PACS2: variants seen among roughly 807,000 people sequenced by gnomAD.
The protein encoded by PACS2 is PACS1-like protein.
In PACS2, 36 loss-of-function variants were observed where a neutral mutation model predicts 113.0. The ratio of observed to expected loss-of-function variants is 0.32; its 90% CI spans 0.24 to 0.42. The LOEUF is 0.42. Among genes scored for constraint, PACS2 ranks in the 10% least tolerant of loss-of-function variants. The pLI is 1.00. For synonymous variants in PACS2, 589 were observed against 536.1 expected (o/e 1.10, Z -1.36); for missense variants, 1,015 against 1,239.5 (o/e 0.82, Z 2.72).
In PACS2 at chr14:105,379,811, C is replaced by T. The variant is rs1555411454; in HGVS notation, c.1032C>T (p.His344=). 1.2e-6 allele frequency: 2 copies of T among 1,613,614 alleles called. No homozygotes were observed. The highest frequency in any genetic ancestry group is 1.7e-6 in the Non-Finnish European group (2 of 1,179,976). The change falls in exon 10 of 25, where the codon CAC becomes CAT. Residue 344 remains histidine (H), a synonymous_variant. Transcript: ENST00000447393. ...GGAGCATCCACAGCGCCCGCAGCCA[C>T]AAGGAGCCCCCAAGCCCGGTGAGTG... ...EIGSIHSARS[H]KEPPSPADVP... is the part of the protein sequence containing the mutation.
At chr14:105,342,039 A>G (rs1446285850) in intron 1 of PACS2, among the ~76,000 whole-genome samples, 2 of 152,226 alleles carry the variant, frequency 1.3e-5, no homozygotes, top group Non-Finnish European at 2.9e-5. Flanking sequence ...AAACGAATGT[A>G]AGGAACGTGA....
At chr14:105,378,844 G>T (rs2080877534) in intron 9 of PACS2, among the ~76,000 whole-genome samples, 1 of 152,234 alleles carries the variant, frequency 6.6e-6, no homozygotes, top group Non-Finnish European at 1.5e-5. Context: ...CGGCCAGATG[G>T]TCTGCAAGGG....
intron 2 of PACS2, 140 bp from the exon 3 acceptor site, chr14:105,352,238 T>A: frequency 1.5e-6 from 1 of 652,284 alleles, no homozygotes; most frequent in Non-Finnish European, 2.8e-6. Flanking sequence ...CTCTGAGAAT[T>A]ACCCCAGCCT....
chr14:105,379,571 G>C (rs587668924), intron 9 of PACS2, among the ~76,000 whole-genome samples, 168 bp from the exon 10 acceptor site: 2 of 152,342 alleles, frequency 1.3e-5, no homozygotes, highest in South Asian at 4.1e-4. Flanking sequence ...CTGTGCTGCA[G>C]CTGGTGCGAG....
chr14:105,383,094 G>A, intron 15 of PACS2, 181 bp downstream of exon 15: 1 of 623,438 alleles, frequency 1.6e-6, no homozygotes, highest in South Asian at 1.9e-5. Context: ...GGCGGGAGCA[G>A]CAGCCTGGTG....
rs1555405221 is a variant in PACS2 at position 105,355,740 on chromosome 14, C to T, written c.423+563C>T. Among the ~76,000 whole-genome samples, 1 of 152,216 alleles carries T rather than the reference C, an allele frequency of 6.6e-6. No individual in the cohort carries two copies. Among genetic ancestry groups the T allele is most frequent in the Non-Finnish European group, 1.5e-5 (1 of 68,032 alleles). On this transcript the variant is annotated intron_variant, in intron 4 of 24. Transcript: ENST00000447393. This position sits in a 1 kb window ranked among gnomAD's most constrained non-coding sequence, Gnocchi z 4.1. Reference sequence around the variant, plus strand: ...CTCAAAAGGAAAAGAAACAGCCAAGCAGCAGCCCACCTTGCTCCAGAGAAC... The same window carrying T: ...CTCAAAAGGAAAAGAAACAGCCAAGTAGCAGCCCACCTTGCTCCAGAGAAC...
intron 9 of PACS2, among the ~76,000 whole-genome samples, chr14:105,379,487 G>A (rs1195677780): frequency 6.6e-5 from 10 of 152,206 alleles, no homozygotes; most frequent in African/African-American, 2.4e-4. Flanking sequence ...TGTCAGGGCA[G>A]GTGGAAGAAC....
At chr14:105,379,857 A>T (rs1211277972) in intron 10 of PACS2, 28 bp downstream of exon 10, 1 of 1,593,880 alleles carries the variant, frequency 6.3e-7, no homozygotes, top group Non-Finnish European at 8.6e-7. Flanking sequence ...GATCTCCCAG[A>T]GCAGACCGTG....
intron 4 of PACS2, among the ~76,000 whole-genome samples, chr14:105,362,225 T>C (rs201326347): frequency 1.1e-3 from 159 of 150,960 alleles, no homozygotes; most frequent in East Asian, 5.6e-3. Context: ...AAGACCATCC[T>C]GGCTAACACA....
At position 105,315,141 on chromosome 14, in the gene PACS2, C is replaced by T; in HGVS notation, c.119+104C>T. 3.0e-6 allele frequency: 2 copies of T among 659,586 alleles called. No individual in the cohort carries two copies. Among genetic ancestry groups the T allele is most frequent in the South Asian group, 6.6e-5 (1 of 15,218 alleles). The allele number at this position is 659,586 out of a possible 1,614,324, so 40.9% of individuals were successfully genotyped here. A position where few individuals can be genotyped will look rare whatever the true frequency, so the allele number is the denominator to read the frequency against. Reference sequence around the variant, plus strand: ...CCCCGGCCCGGGTCCCCCAGCGGAGCCCAGGTCGCCCCCCGCGCCCCCGCC... The same window carrying T: ...CCCCGGCCCGGGTCCCCCAGCGGAGTCCAGGTCGCCCCCCGCGCCCCCGCC... On this transcript the variant is annotated intron_variant, in intron 1 of 24. Coordinates refer to ENST00000447393, the MANE Select transcript of PACS2 (RefSeq NM_001100913.3). This position sits in a 1 kb window ranked among gnomAD's most constrained non-coding sequence, Gnocchi z 4.4.
chr14:105,357,777 G>A lies in PACS2; in HGVS notation c.423+2600G>A, dbSNP rs1478908933. On this transcript the variant is annotated intron_variant, in intron 4 of 24. Coordinates refer to ENST00000447393, the MANE Select transcript of PACS2 (RefSeq NM_001100913.3). This position sits in a 1 kb window ranked among gnomAD's most constrained non-coding sequence, Gnocchi z 5.1. ...GGGCTTGCTGGCTCCGAGACTGCAC[G>A]CCTGAGACGGGGGTGAGGGCATGGG... is the stretch of plus-strand genomic sequence containing the variant. 1.3e-5 allele frequency among the ~76,000 whole-genome samples: 2 copies of A among 152,320 alleles called. No individual in the cohort carries two copies. Among genetic ancestry groups the A allele is most frequent in the East Asian group, 1.9e-4 (1 of 5,174 alleles).
In PACS2 at chr14:105,315,100, C is replaced by T; in HGVS notation, c.119+63C>T. ...CCTGCTGGGGGTGTCCTGGCCGCGGCCTCTGCGCGCCCCATCCCCGGCCCG... is the reference window on the plus strand; with the variant it reads ...CCTGCTGGGGGTGTCCTGGCCGCGGTCTCTGCGCGCCCCATCCCCGGCCCG... On this transcript the variant is annotated intron_variant, in intron 1 of 24. Transcript: ENST00000447393. The surrounding 1 kb of genome is among the most constrained non-coding windows in gnomAD (Gnocchi z 4.4). 4.0e-6 allele frequency: 4 copies of T among 997,148 alleles called. No individual in the cohort carries two copies. The highest frequency in any genetic ancestry group is 4.9e-6 in the Non-Finnish European group (4 of 823,526). 61.8% of individuals were successfully genotyped at this position (997,148 alleles called of 1,614,324 possible).
chr14:105,379,022 A>T (rs1439057475), intron 9 of PACS2, among the ~76,000 whole-genome samples: 1 of 151,256 alleles, frequency 6.6e-6, no homozygotes, highest in African/African-American at 2.4e-5. Flanking sequence ...GATGGTCTGG[A>T]TAGGCCTGGA....
At chr14:105,391,007 C>T (rs1370309650) in intron 20 of PACS2, 200 bp from the exon 21 acceptor site, 11 of 607,766 alleles carry the variant, frequency 1.8e-5, no homozygotes, top group African/African-American at 3.7e-5. Context: ...ACCCTGAGCA[C>T]TGTCTGTCCC....
chr14:105,327,449 G>T (rs1471585443), intron 1 of PACS2, among the ~76,000 whole-genome samples: 2 of 152,222 alleles, frequency 1.3e-5, no homozygotes, highest in Non-Finnish European at 2.9e-5. Flanking sequence ...CCCTCGGCAA[G>T]TGGTGACAGG....
intron 1 of PACS2, among the ~76,000 whole-genome samples, chr14:105,304,357 G>A: frequency 6.6e-6 from 1 of 152,090 alleles, no homozygotes; most frequent in Non-Finnish European, 1.5e-5. Context: ...GTGTGATGGT[G>A]GGCGCCTGTA....
chr14:105,381,527 G>A (rs898017956), intron 12 of PACS2, among the ~76,000 whole-genome samples: 14 of 152,254 alleles, frequency 9.2e-5, no homozygotes, highest in Non-Finnish European at 1.2e-4. Flanking sequence ...GCCTGTGTCC[G>A]CGCTTTGGAG....
At chr14:105,328,471 C>T (rs1325357570) in intron 1 of PACS2, among the ~76,000 whole-genome samples, 1 of 152,198 alleles carries the variant, frequency 6.6e-6, no homozygotes, top group African/African-American at 2.4e-5. Flanking sequence ...AGCCGCTGGG[C>T]CCAGCAGTGT....
chr14:105,362,426 AAAAAG>A (rs1216323945), intron 4 of PACS2, among the ~76,000 whole-genome samples: 11 of 151,274 alleles, frequency 7.3e-5, no homozygotes, highest in East Asian at 2.0e-4. Flanking sequence ...CAAAAAAAAA[AAAAAG>A]AAAAGAAAAA....
Sources: allele counts gnomAD v4.1 joint callset (sites outside exome capture counted in the v4.1 genomes callset), GRCh38; gene constraint gnomAD v4.1.1; non-coding constraint Gnocchi (gnomAD v3.1); transcripts MANE v1.5; gene names NCBI Gene and HGNC (gene_info 2026-07-23, HGNC 2026-07-21).